FASTKD2: variants seen among roughly 807,000 people sequenced by gnomAD.
FASTKD2 encodes the protein FAST kinase domain-containing protein 2, mitochondrial.
In FASTKD2, 51 loss-of-function variants were observed where a neutral mutation model predicts 63.6. The ratio of observed to expected loss-of-function variants is 0.80; its 90% confidence interval spans 0.64 to 1.01. The LOEUF is 1.01. Among genes scored for constraint, FASTKD2 ranks in the 50% least tolerant of loss-of-function variants. The probability of loss-of-function intolerance (pLI) is 0.00; values close to 1 mark genes in which losing one functional copy is unlikely to be tolerated. For missense variants in FASTKD2, 786 were observed against 831.1 expected, an observed-to-expected ratio of 0.95 and a Z score of 0.67; for synonymous variants, 284 against 293.4, an observed-to-expected ratio of 0.97 and a Z score of 0.33.
intron 7 of FASTKD2, among the ~76,000 whole-genome samples, chr2:206,783,481 C>T (rs1322721348): frequency 6.6e-6 from 1 of 151,946 alleles, no homozygotes; most frequent in Admixed American, 6.6e-5. Flanking sequence ...CCTTTACTCC[C>T]CTGGCTTCAT....
At position 206,777,921 on chromosome 2, in the gene FASTKD2, T is replaced by G. The variant is rs1381869304; in HGVS notation, c.1427+3524T>G. 1.3e-5 allele frequency among the ~76,000 whole-genome samples: 2 copies of G among 152,186 alleles called. 1 individual carries two copies. The highest frequency in any genetic ancestry group is 2.9e-5 in the Non-Finnish European group (2 of 68,020). ...GAATTTATTCATTTCTTCTTGATTATCCAATTTGTTGGCATACAGTTGTTC... is the reference window on the plus strand; with the variant it reads ...GAATTTATTCATTTCTTCTTGATTAGCCAATTTGTTGGCATACAGTTGTTC... On this transcript the variant is annotated intron_variant, in intron 7 of 11. Transcript: ENST00000402774.
In FASTKD2 at chr2:206,774,265, G is replaced by A. The variant is rs372022584; in HGVS notation, c.1295G>A (p.Arg432Gln). The A allele has an allele frequency of 7.8e-5, 126 of 1,611,600 alleles. No homozygotes were observed. Among genetic ancestry groups the A allele is most frequent in the Non-Finnish European group, 1.0e-4 (118 of 1,178,552 alleles). Residue 432 changes from arginine to glutamine, a missense_variant, in exon 7 of 12, where the codon CGA (arginine) becomes CAA (glutamine). Arg to Gln is a conservative substitution (Grantham distance 43). Transcript: ENST00000402774. Reference protein sequence around the residue: ...ILILFENLGFRPVGLMDLFMK... With the variant: ...ILILFENLGFQPVGLMDLFMK... Reference sequence around the variant, plus strand: ...ATTTTATTTGAAAACCTTGGCTTTCGACCTGTTGGTTTAATGGACCTGTTT... The same window carrying A: ...ATTTTATTTGAAAACCTTGGCTTTCAACCTGTTGGTTTAATGGACCTGTTT...
At position 206,772,178 on chromosome 2, in the gene FASTKD2, A is replaced by G; in HGVS notation, c.1115-3A>G. 1 of 1,611,366 alleles carries G rather than the reference A, an allele frequency of 6.2e-7. No individual in the cohort carries two copies. Among genetic ancestry groups the G allele is most frequent in the Non-Finnish European group, 8.5e-7 (1 of 1,177,462 alleles). ...TGTTTGTTTATTTAACTCATTCTTC[A>G]AGATAATATCCATGGGTGTCCTTTA... On this transcript the variant is annotated splice_polypyrimidine_tract_variant and splice_region_variant and intron_variant, in intron 5 of 11. Transcript: ENST00000402774.
intron 10 of FASTKD2, chr2:206,789,142 G>T: frequency 4.1e-6 from 2 of 486,646 alleles, no homozygotes; most frequent in South Asian, 2.6e-5. Flanking sequence ...TTTAAAATTA[G>T]GTTTTGAAGC....
intron 2 of FASTKD2, among the ~76,000 whole-genome samples, 172 bp from the exon 3 acceptor site, chr2:206,769,915 CAGTA>C (rs1210789685): frequency 8.5e-5 from 13 of 152,214 alleles, no homozygotes; most frequent in Non-Finnish European, 2.9e-5. Context: ...CTGGAAAATT[CAGTA>C]AGTATGACTT....
rs1559361495 is a variant in FASTKD2 at position 206,774,392 on chromosome 2, CAA to C, written c.1424_1425del (p.Lys475ArgfsTer9). On this transcript the variant is annotated frameshift_variant, in exon 7 of 12. Coordinates refer to ENST00000402774, the MANE Select transcript of FASTKD2 (RefSeq NM_001136193.2). LOFTEE classifies it high-confidence loss of function. ...SLNHVYKCQN[K>X]EQFVEVMASA... Reference sequence around the variant, plus strand: ...TCAATCATGTCTACAAATGCCAGAACAAAGAGTATGTACTTGTTTTTTTTTAC... The same window carrying C: ...TCAATCATGTCTACAAATGCCAGAACAGAGTATGTACTTGTTTTTTTTTAC... 5 of 1,587,166 alleles carry C rather than the reference CAA, an allele frequency of 3.2e-6. No homozygotes were observed. Among genetic ancestry groups the C allele is most frequent in the Non-Finnish European group, 4.3e-6 (5 of 1,158,458 alleles).
In FASTKD2 at chr2:206,766,727, T is replaced by A; in HGVS notation, c.34T>A (p.Ser12Thr). 6.2e-7 allele frequency: 1 copy of A among 1,614,144 alleles called. No homozygotes were observed. Among genetic ancestry groups the A allele is most frequent in the Non-Finnish European group, 8.5e-7 (1 of 1,180,008 alleles). The stretch of plus-strand genomic sequence containing the variant: ...AACTTTGAAGCCATTTGGAAGTGTT[T>A]CAGTGGAGAGCAAAATGAATAACAA... The part of the protein sequence containing the change: ...LTTLKPFGSV[S>T]VESKMNNKAG... Residue 12 changes from serine (S) to threonine (T), a missense_variant, in exon 2 of 12, where the codon TCA (serine) becomes ACA (threonine). Physicochemically the swap from Ser to Thr is moderately conservative, Grantham distance 58. Transcript: ENST00000402774.
chr2:206,770,241 A>T (rs375830668), intron 3 of FASTKD2, 47 bp downstream of exon 3: 89 of 1,183,364 alleles, frequency 7.5e-5, no homozygotes, highest in Non-Finnish European at 1.1e-4. Flanking sequence ...TTTGTTCCTC[A>T]TATATCTGGA....
intron 11 of FASTKD2, chr2:206,791,355 A>C (rs1004625707): frequency 3.3e-6 from 1 of 299,668 alleles, no homozygotes; most frequent in African/African-American, 2.2e-5. Flanking sequence ...TATTGAGATT[A>C]AGATGACTCC....
chr2:206,789,198 A>T (rs1322039453), intron 10 of FASTKD2: 1 of 316,034 alleles, frequency 3.2e-6, no homozygotes. Context: ...CTATCAATGC[A>T]GTGTAGACTT....
chr2:206,772,851 A>T (rs1249317294), intron 6 of FASTKD2, among the ~76,000 whole-genome samples: 1 of 152,178 alleles, frequency 6.6e-6, no homozygotes, highest in Non-Finnish European at 1.5e-5. Context: ...CTAAGCTATG[A>T]TGTTCAGTAA....
Position 206,770,113 on chromosome 2 carries a change from A to G in FASTKD2, c.800A>G (p.Glu267Gly). 6.2e-7 allele frequency: 1 copy of G among 1,606,864 alleles called. No homozygotes were observed. Among genetic ancestry groups the G allele is most frequent in the Non-Finnish European group, 8.5e-7 (1 of 1,173,368 alleles). ...TAGGAACGTATCAATGAGTGTGATGAGATATGCCTTTCAGTTTTGTCAACT... is the reference window on the plus strand; with the variant it reads ...TAGGAACGTATCAATGAGTGTGATGGGATATGCCTTTCAGTTTTGTCAACT... ...VTQERINECDEICLSVLSTVL... is the reference protein window; with the variant it reads ...VTQERINECDGICLSVLSTVL... Residue 267 changes from glutamate (E) to glycine (G), a missense_variant, in exon 3 of 12, where the codon GAG (glutamate) becomes GGG (glycine). By Grantham distance (98) the Glu-to-Gly change is moderately conservative. Transcript: ENST00000402774.
chr2:206,774,490 A>T, intron 7 of FASTKD2, 93 bp downstream of exon 7: 1 of 812,378 alleles, frequency 1.2e-6, no homozygotes, highest in Non-Finnish European at 2.1e-6. Flanking sequence ...ACAAGTGAAC[A>T]CACCCATAGT....
At chr2:206,782,132 C>T (rs1389196305) in intron 7 of FASTKD2, among the ~76,000 whole-genome samples, 4 of 152,144 alleles carry the variant, frequency 2.6e-5, no homozygotes, top group Admixed American at 6.5e-5. Context: ...GACAGAAATC[C>T]AGCCCCTAGG....
rs1265033755 is a variant in FASTKD2 at position 206,774,469 on chromosome 2, A to G, written c.1427+72A>G. The G allele has an allele frequency of 1.0e-5, 10 of 987,006 alleles. No individual in the cohort carries two copies. The Admixed American group carries it at 1.8e-4, about 18-fold the overall frequency. The allele number at this position is 987,006 out of a possible 1,614,324, so 61.1% of individuals were successfully genotyped here. On this transcript the variant is annotated intron_variant, in intron 7 of 11. Transcript: ENST00000402774. The stretch of plus-strand genomic sequence containing the variant: ...AAAAAAGGTTATAAATCATAAGCTT[A>G]ATGAATTATTACAAGTGAACACACC...
chr2:206,779,514 A>T (rs187216503), intron 7 of FASTKD2, among the ~76,000 whole-genome samples: 1 of 152,290 alleles, frequency 6.6e-6, no homozygotes, highest in East Asian at 1.9e-4. Context: ...AGTCACCTTC[A>T]CAAGGTAACA....
At chr2:206,767,522 G>A in intron 2 of FASTKD2, 52 bp downstream of exon 2, 1 of 1,447,824 alleles carries the variant, frequency 6.9e-7, no homozygotes, top group Non-Finnish European at 9.6e-7. Context: ...AGAATATTTT[G>A]AAAGAATGAA....
In FASTKD2 at chr2:206,795,146, A is replaced by AC. The variant is rs1170878905; in HGVS notation, c.*3347dup. Among the ~76,000 whole-genome samples the AC allele has an allele frequency of 1.3e-5, 2 of 152,230 alleles. No homozygotes were observed. The highest frequency in any genetic ancestry group is 3.9e-4 in the East Asian group (2 of 5,182). On this transcript the variant is annotated 3_prime_UTR_variant, in exon 12 of 12. Coordinates refer to ENST00000402774, the MANE Select transcript of FASTKD2 (RefSeq NM_001136193.2). ...CCTGAGAGGTGGACCATCAGACTCC[A>AC]CCCTGTTTTGCGCTGACTTGTAGGG...
chr2:206,790,665 A>C lies in FASTKD2; in HGVS notation c.1992A>C (p.Ala664=), dbSNP rs149018757. 67 of 1,607,422 alleles carry C rather than the reference A, an allele frequency of 4.2e-5. No individual in the cohort carries two copies. The highest frequency in any genetic ancestry group is 5.7e-5 in the Non-Finnish European group (67 of 1,174,020). Residue 664 remains alanine, a synonymous_variant, in exon 11 of 12, where the codon GCA becomes GCC. Coordinates refer to ENST00000402774, the MANE Select transcript of FASTKD2 (RefSeq NM_001136193.2). ...FLAMKMRHLN[A]MGFHVILVNN... Reference sequence around the variant, plus strand: ...CTATGAAAATGCGGCATTTGAATGCAATGGGTTTTCATGTGATCTTGGTGA... The same window carrying C: ...CTATGAAAATGCGGCATTTGAATGCCATGGGTTTTCATGTGATCTTGGTGA...
Sources: gnomAD v4.1 joint callset for allele counts (sites outside exome capture counted in the v4.1 genomes callset) on GRCh38, gnomAD v4.1.1 for gene constraint, MANE v1.5 for transcripts, NCBI Gene and HGNC (gene_info 2026-07-23, HGNC 2026-07-21) for gene names.